The following APPBP2 variants were observed in gnomAD, a reference collection of about 807,000 sequenced individuals.
APPBP2 encodes the protein amyloid protein-binding protein 2.
Under a neutral mutation model 76.0 loss-of-function variants are expected in APPBP2, and 15 were observed. The ratio of observed to expected loss-of-function variants is 0.20; its 90% confidence interval spans 0.13 to 0.30. APPBP2 has a LOEUF of 0.30. APPBP2 is among the 10% of genes least tolerant of loss of function. The pLI is 1.00. For missense variants in APPBP2, 401 were observed against 687.2 expected (o/e 0.58, Z 4.66); for synonymous variants, 222 against 242.2 (o/e 0.92, Z 0.77).
intron 1 of APPBP2, among the ~76,000 whole-genome samples, chr17:60,525,392 G>A (rs1435281283): frequency 6.6e-6 from 1 of 152,198 alleles, no homozygotes; most frequent in Non-Finnish European, 1.5e-5. Flanking sequence ...ATGGGTGGGG[G>A]GAGGAGCACG....
intron 4 of APPBP2, among the ~76,000 whole-genome samples, chr17:60,466,873 G>A (rs966232508): frequency 6.6e-6 from 1 of 152,080 alleles, no homozygotes; most frequent in African/African-American, 2.4e-5. Flanking sequence ...CACTTGATCA[G>A]TTACCACTTA....
intron 1 of APPBP2, among the ~76,000 whole-genome samples, chr17:60,511,128 A>C (rs2090908981): frequency 6.6e-6 from 1 of 152,224 alleles, no homozygotes; most frequent in African/African-American, 2.4e-5. Flanking sequence ...AGTTAGATGT[A>C]AGGCCTAGTC....
intron 1 of APPBP2, among the ~76,000 whole-genome samples, chr17:60,502,898 T>A (rs1415155768): frequency 6.8e-6 from 1 of 146,740 alleles, no homozygotes; most frequent in Non-Finnish European, 1.5e-5. Flanking sequence ...ACAACTACTT[T>A]GCCTAAAAAC....
In APPBP2 at chr17:60,447,472, A is replaced by T. The variant is rs2090357818; in HGVS notation, c.*109T>A. The T allele has an allele frequency of 7.7e-7, 1 of 1,292,932 alleles. No individual in the cohort carries two copies. Among genetic ancestry groups the T allele is most frequent in the African/African-American group, 1.5e-5 (1 of 67,306 alleles). 80.1% of individuals were successfully genotyped at this position (1,292,932 alleles called of 1,614,324 possible). ...CAAAATAGGGTCTTCAATGGACTGG[A>T]CCAGTGTTTCAATGCAAATTCCAGC... On this transcript the variant is annotated 3_prime_UTR_variant, in exon 13 of 13. Coordinates refer to ENST00000083182, the MANE Select transcript of APPBP2 (RefSeq NM_006380.5).
At chr17:60,506,497 C>T (rs1195656452) in intron 1 of APPBP2, among the ~76,000 whole-genome samples, 1 of 152,124 alleles carries the variant, frequency 6.6e-6, no homozygotes, top group African/African-American at 2.4e-5. Flanking sequence ...GTCACTTCCT[C>T]ACAGAGCTCT....
chr17:60,525,568 G>A (rs1009981272), intron 1 of APPBP2, among the ~76,000 whole-genome samples: 1 of 152,210 alleles, frequency 6.6e-6, no homozygotes, highest in Non-Finnish European at 1.5e-5. Context: ...AACACCAACA[G>A]GGAGCAAGAC....
In APPBP2 at chr17:60,447,046, C is replaced by T. The variant is rs2090353462; in HGVS notation, c.*535G>A. The stretch of plus-strand genomic sequence containing the variant: ...ATATAGAGTGGTTGTATCCACTTAT[C>T]TGGGCAAGGTAGAAAAACGTAAGTC... On this transcript the variant is annotated 3_prime_UTR_variant, in exon 13 of 13. Coordinates refer to ENST00000083182, the MANE Select transcript of APPBP2 (RefSeq NM_006380.5). 2.0e-5 allele frequency: 3 copies of T among 152,912 alleles called. No individual in the cohort carries two copies. In the South Asian group the frequency reaches 6.2e-4, roughly 32 times the overall value. 9.5% of individuals were successfully genotyped at this position (152,912 alleles called of 1,614,324 possible). A position where few individuals can be genotyped will look rare whatever the true frequency, so the allele number is the denominator to read the frequency against.
In APPBP2 at chr17:60,501,378, G is replaced by A. The variant is rs1434185383; in HGVS notation, c.139-891C>T. On this transcript the variant is annotated intron_variant, in intron 1 of 12. Transcript: ENST00000083182. ...TACTATTGTCCCTCCCTGCAACCCC[G>A]CCTCAATGTCACCAAATGCTTTTTG... 5.3e-5 allele frequency among the ~76,000 whole-genome samples: 8 copies of A among 151,942 alleles called. No homozygotes were observed. In the South Asian group the frequency reaches 6.2e-4, roughly 12 times the overall value.
chr17:60,447,435 A>G lies in APPBP2; in HGVS notation c.*146T>C. 4 of 837,880 alleles carry G rather than the reference A, an allele frequency of 4.8e-6. No individual in the cohort carries two copies. In the Middle Eastern group the frequency reaches 1.1e-3, roughly 229 times the overall value. The allele number at this position is 837,880 out of a possible 1,614,324, so 51.9% of individuals were successfully genotyped here. On this transcript the variant is annotated 3_prime_UTR_variant, in exon 13 of 13. Transcript: ENST00000083182. ...CTTATTCCTACAGACATTCTGCAAG[A>G]TAGGGATCACCCAAAATAGGGTCTT...
rs560515339 is a variant in APPBP2, at chr17:60,446,868, A to T, written c.*713T>A. 1 of 152,240 alleles carries T rather than the reference A, an allele frequency of 6.6e-6. No homozygotes were observed. The highest frequency in any genetic ancestry group is 1.5e-5 in the Non-Finnish European group (1 of 67,988). 9.4% of individuals were successfully genotyped at this position (152,240 alleles called of 1,614,324 possible). ...TCTACATTAGGCTGGTCCTTTTTAG[A>T]TCCTCCTGGTCCTGTTAGCAAATGC... On this transcript the variant is annotated 3_prime_UTR_variant, in exon 13 of 13. Coordinates refer to ENST00000083182, the MANE Select transcript of APPBP2 (RefSeq NM_006380.5).
At chr17:60,518,423 T>A in intron 1 of APPBP2, among the ~76,000 whole-genome samples, 1 of 127,280 alleles carries the variant, frequency 7.9e-6, no homozygotes, top group South Asian at 2.4e-4. Flanking sequence ...CAGCTAGTCT[T>A]GAACTCTTAG....
chr17:60,451,526 A>C (rs1598345400), intron 12 of APPBP2, among the ~76,000 whole-genome samples: 1 of 151,602 alleles, frequency 6.6e-6, no homozygotes, highest in African/African-American at 2.4e-5. Flanking sequence ...CAGGCTGGAG[A>C]GCAGTGGCAC....
rs375070528 is a variant in APPBP2 at position 60,512,357 on chromosome 17, C to A, written c.139-11870G>T. Reference sequence around the variant, plus strand: ...TGACCTCGTGATCCGCCCGCCTCGGCCTCCCAAAGAGGTGTTTTATTATTT... The same window carrying A: ...TGACCTCGTGATCCGCCCGCCTCGGACTCCCAAAGAGGTGTTTTATTATTT... On this transcript the variant is annotated intron_variant, in intron 1 of 12. Coordinates refer to ENST00000083182, the MANE Select transcript of APPBP2 (RefSeq NM_006380.5). 1.4e-4 allele frequency among the ~76,000 whole-genome samples: 22 copies of A among 152,090 alleles called. No individual in the cohort carries two copies. The East Asian group carries it at 3.3e-3, about 23-fold the overall frequency.
chr17:60,447,276 C>A lies in APPBP2; in HGVS notation c.*305G>T, dbSNP rs944505365. ...AGTTTTATTTAGGGGTATTTTTTTT[C>A]TTTCAGGCTTTCTGCAAAATGAATT... On this transcript the variant is annotated 3_prime_UTR_variant, in exon 13 of 13. Coordinates refer to ENST00000083182, the MANE Select transcript of APPBP2 (RefSeq NM_006380.5). 3 of 243,898 alleles carry A rather than the reference C, an allele frequency of 1.2e-5. No individual in the cohort carries two copies. Among genetic ancestry groups the A allele is most frequent in the Admixed American group, 1.0e-4 (2 of 19,720 alleles). The allele number at this position is 243,898 out of a possible 1,614,324, so 15.1% of individuals were successfully genotyped here. A position where few individuals can be genotyped will look rare whatever the true frequency, so the allele number is the denominator to read the frequency against.
chr17:60,521,580 CT>C (rs58831052), intron 1 of APPBP2, among the ~76,000 whole-genome samples: 2,287 of 150,264 alleles, frequency 0.015, 48 homozygotes, highest in African/African-American at 0.051. Flanking sequence ...TTCAGTTACA[CT>C]TTTTTTTTTC....
At chr17:60,495,446 ATTT>A (rs2090767471) in intron 2 of APPBP2, among the ~76,000 whole-genome samples, 1 of 48,768 alleles carries the variant, frequency 2.1e-5, no homozygotes, top group South Asian at 8.1e-4. Context: ...TTTATTATTT[ATTT>A]ATTTATTTAT....
intron 3 of APPBP2, among the ~76,000 whole-genome samples, chr17:60,488,024 G>A (rs760697437): frequency 3.3e-5 from 5 of 152,228 alleles, no homozygotes; most frequent in African/African-American, 7.2e-5. Context: ...TATCACCAGC[G>A]AAAGCTGCAG....
At position 60,500,468 on chromosome 17, in the gene APPBP2, A is replaced by G. The variant is rs1403828344; in HGVS notation, c.158T>C (p.Leu53Ser). ...ACAAAATTCACTGCCCAGTTGACATAAGCGTCCCTGTTGGTAAAGCTGAAA... is the reference window on the plus strand; with the variant it reads ...ACAAAATTCACTGCCCAGTTGACATGAGCGTCCCTGTTGGTAAAGCTGAAA... Reference protein sequence around the residue: ...VYYKLYQQGRLCQLGSEFCEL... With the variant: ...VYYKLYQQGRSCQLGSEFCEL... Residue 53 changes from leucine (L) to serine (S), a missense_variant, in exon 2 of 13, where the codon TTA becomes TCA. Leu to Ser is a moderately radical substitution (Grantham distance 145). Coordinates refer to ENST00000083182, the MANE Select transcript of APPBP2 (RefSeq NM_006380.5). 1 of 1,609,266 alleles carries G rather than the reference A, an allele frequency of 6.2e-7. No homozygotes were observed. The highest frequency in any genetic ancestry group is 8.5e-7 in the Non-Finnish European group (1 of 1,178,446).
At chr17:60,518,068 CTTT>C (rs67907414) in intron 1 of APPBP2, among the ~76,000 whole-genome samples, 31 of 122,334 alleles carry the variant, frequency 2.5e-4, no homozygotes, top group African/African-American at 2.8e-4. Context: ...TTACAATTTC[CTTT>C]TTTTTTTTTT....
Sources: gnomAD v4.1 joint callset for allele counts (sites outside exome capture counted in the v4.1 genomes callset) on GRCh38, gnomAD v4.1.1 for gene constraint, MANE v1.5 for transcripts, NCBI Gene and HGNC (gene_info 2026-07-23, HGNC 2026-07-21) for gene names.